Variants in BCAR3 observed in about 807,000 individuals in gnomAD.
BCAR3 encodes breast cancer anti-estrogen resistance protein 3.
In BCAR3, 37 loss-of-function variants were observed where a neutral mutation model predicts 80.1. The ratio of observed to expected loss-of-function variants is 0.46; its 90% CI spans 0.36 to 0.61. The LOEUF is 0.61. Among genes scored for constraint, BCAR3 ranks in the 20% least tolerant of loss-of-function variants. BCAR3 has a pLI of 0.00. For synonymous variants in BCAR3, 389 were observed against 418.9 expected (o/e 0.93, Z 0.87); for missense variants, 978 against 1,068.2 (o/e 0.92, Z 1.18).
intron 3 of BCAR3, among the ~76,000 whole-genome samples, chr1:93,617,157 G>A (rs979398097): frequency 1.3e-5 from 2 of 152,204 alleles, no homozygotes; most frequent in Admixed American, 1.3e-4. Context: ...GCAGACACAT[G>A]CTTCCTGTTG....
At chr1:93,654,367 C>G (rs185489601) in intron 2 of BCAR3, among the ~76,000 whole-genome samples, 74 of 152,268 alleles carry the variant, frequency 4.9e-4, no homozygotes, top group African/African-American at 1.8e-3. Context: ...TGCAAGTGGT[C>G]TCCAGGAGAT....
At chr1:93,702,523 A>C (rs1221020697) in intron 3 of BCAR3, among the ~76,000 whole-genome samples, 1 of 140,864 alleles carries the variant, frequency 7.1e-6, no homozygotes, top group Non-Finnish European at 1.6e-5. Context: ...GTCTGTGCTC[A>C]TGGAGTTCCT....
chr1:93,585,788 G>C (rs1178324565), intron 5 of BCAR3, among the ~76,000 whole-genome samples: 1 of 152,116 alleles, frequency 6.6e-6, no homozygotes, highest in Non-Finnish European at 1.5e-5. Context: ...GCCCAGGCTG[G>C]AGTGAAGTGG....
intron 1 of BCAR3, among the ~76,000 whole-genome samples, chr1:93,676,828 C>G (rs1424358134): frequency 6.6e-6 from 1 of 152,194 alleles, no homozygotes; most frequent in African/African-American, 2.4e-5. Context: ...GTGCATAGGG[C>G]CACACTGTTG....
At chr1:93,722,721 C>T (rs930116916) in intron 2 of BCAR3, among the ~76,000 whole-genome samples, 1 of 152,144 alleles carries the variant, frequency 6.6e-6, no homozygotes, top group Admixed American at 6.6e-5. Context: ...CCGGGCTGGG[C>T]TCTCAGGGCA....
intron 2 of BCAR3, among the ~76,000 whole-genome samples, chr1:93,831,779 T>C (rs56981802): frequency 0.13 from 19,739 of 152,006 alleles, 1,973 homozygotes; most frequent in African/African-American, 0.27. Context: ...CCTTTTATCA[T>C]CCCCTCCTCA....
chr1:93,573,615 A>ATTGGTT (rs919862286), intron 8 of BCAR3, among the ~76,000 whole-genome samples: 1 of 129,800 alleles, frequency 7.7e-6, no homozygotes, highest in African/African-American at 3.0e-5. Context: ...TATTTTTATT[A>ATTGGTT]TTATTATTAT....
rs1673442762 is a variant in BCAR3 at position 93,576,029 on chromosome 1, A to C, written c.1787T>G (p.Leu596Arg). 6.2e-7 allele frequency: 1 copy of C among 1,614,004 alleles called. No homozygotes were observed. Among genetic ancestry groups the C allele is most frequent in the African/African-American group, 1.3e-5 (1 of 74,912 alleles). ...ITLPHGHQLR[L>R]DIIERHNTMA... ...CACTGCTCACCTTTCAATTATGTCC[A>C]GGCGCAGCTGGTGTCCGTGAGGCAA... The change falls in exon 8 of 12, where the codon CTG (leucine) becomes CGG (arginine). Residue 596 changes from leucine to arginine, a missense_variant. Coordinates refer to ENST00000260502, the MANE Select transcript of BCAR3 (RefSeq NM_003567.4).
rs11805042 is a variant in BCAR3, at chr1:93,651,867, C to T, written c.318-9524G>A. Among the ~76,000 whole-genome samples, 1,092 of 152,284 alleles carry T rather than the reference C, an allele frequency of 7.2e-3. 14 individuals are homozygous for T. The highest frequency in any genetic ancestry group is 0.025 in the African/African-American group (1,040 of 41,552). ...ATCACATTTAGGATGCCTCCCAAGC[C>T]CGTGTCAGCACTGATCTCATCAGGC... On this transcript the variant is annotated intron_variant, in intron 2 of 11. Coordinates refer to ENST00000260502, the MANE Select transcript of BCAR3 (RefSeq NM_003567.4).
chr1:93,742,151 G>A (rs1651202064), intron 2 of BCAR3, among the ~76,000 whole-genome samples: 1 of 152,328 alleles, frequency 6.6e-6, no homozygotes, highest in South Asian at 2.1e-4. Flanking sequence ...GGGAAGGTGA[G>A]TGGTGCAGGG....
chr1:93,817,088 C>A (rs1004901253), intron 2 of BCAR3, among the ~76,000 whole-genome samples: 3 of 152,216 alleles, frequency 2.0e-5, no homozygotes, highest in African/African-American at 7.2e-5. Flanking sequence ...TTTCCCTGAT[C>A]CCCCCACATC....
intron 7 of BCAR3, among the ~76,000 whole-genome samples, chr1:93,581,589 T>C (rs922454656): frequency 2.0e-5 from 3 of 152,152 alleles, no homozygotes; most frequent in African/African-American, 7.2e-5. Flanking sequence ...TTTGTATTTT[T>C]AGTAGAGACG....
At chr1:93,703,066 T>G (rs968288971) in intron 3 of BCAR3, among the ~76,000 whole-genome samples, 1 of 152,178 alleles carries the variant, frequency 6.6e-6, no homozygotes, top group African/African-American at 2.4e-5. Context: ...CCTGCTTTAC[T>G]TAACTCAAAG....
chr1:93,562,507 C>T lies in BCAR3; in HGVS notation c.2300-88G>A, dbSNP rs900291834. The T allele has an allele frequency of 1.8e-5, 23 of 1,264,012 alleles. 1 individual carries two copies. Among genetic ancestry groups the T allele is most frequent in the Middle Eastern group, 5.5e-4 (2 of 3,624 alleles). The allele number at this position is 1,264,012 out of a possible 1,614,324, so 78.3% of individuals were successfully genotyped here. On this transcript the variant is annotated intron_variant, in intron 11 of 11. Transcript: ENST00000260502. Reference sequence around the variant, plus strand: ...TGAAAGCACCAGGCGCGGTGGCTCACGCCTGTAATCCCAGCACTTTGGGAG... The same window carrying T: ...TGAAAGCACCAGGCGCGGTGGCTCATGCCTGTAATCCCAGCACTTTGGGAG...
chr1:93,699,311 G>A (rs888071838), intron 3 of BCAR3, among the ~76,000 whole-genome samples: 2 of 152,098 alleles, frequency 1.3e-5, no homozygotes, highest in Admixed American at 1.3e-4. Context: ...TAGTGAAAAC[G>A]AACAGAAAAA....
rs575203967 is a variant in BCAR3 at position 93,570,653 on chromosome 1, T to C, written c.1974+1017A>G. Among the ~76,000 whole-genome samples, 5 of 152,340 alleles carry C rather than the reference T, an allele frequency of 3.3e-5. No individual in the cohort carries two copies. The East Asian group carries it at 9.6e-4, about 29-fold the overall frequency. ...CGAACTTTTTAATAGGACAGTCTGT[T>C]TTAGGTGACCTGAGATAAACTATTC... On this transcript the variant is annotated intron_variant, in intron 9 of 11. Coordinates refer to ENST00000260502, the MANE Select transcript of BCAR3 (RefSeq NM_003567.4).
rs535884047 is a variant in BCAR3, at chr1:93,618,945, T to G, written c.357+23359A>C. ...GTGGGTTTTTTTTTTTTTTGTTTTTTTTTTTTTAATCTGAGACGGAATCTC... is the reference window on the plus strand; with the variant it reads ...GTGGGTTTTTTTTTTTTTTGTTTTTGTTTTTTTAATCTGAGACGGAATCTC... On this transcript the variant is annotated intron_variant, in intron 3 of 11. Transcript: ENST00000260502. 2.2e-3 allele frequency among the ~76,000 whole-genome samples: 334 copies of G among 150,962 alleles called. 2 individuals carry two copies. The highest frequency in any genetic ancestry group is 0.02 in the East Asian group (102 of 5,160).
chr1:93,847,884 G>A (rs1050229333), upstream of BCAR3: 6 of 229,160 alleles, frequency 2.6e-5, no homozygotes, highest in South Asian at 3.0e-4. Flanking sequence ...AGTCGATGTA[G>A]GTCCTGAGAA....
At chr1:93,819,722 C>T (rs1473546633) in intron 2 of BCAR3, among the ~76,000 whole-genome samples, 1 of 152,048 alleles carries the variant, frequency 6.6e-6, no homozygotes, top group East Asian at 1.9e-4. Context: ...ATAACTTTGC[C>T]AGATTTATTT....
Sources: gnomAD v4.1 joint callset for allele counts (sites outside exome capture counted in the v4.1 genomes callset) on GRCh38, gnomAD v4.1.1 for gene constraint, MANE v1.5 for transcripts, NCBI Gene and HGNC (gene_info 2026-07-23, HGNC 2026-07-21) for gene names.